CDH12: variants seen among roughly 807,000 people sequenced by gnomAD.
CDH12 encodes cadherin 12, also known as cadherin-12.
Under a neutral mutation model 74.1 loss-of-function variants are expected in CDH12, and 41 were observed. That is an observed-to-expected ratio of 0.55 (90% CI 0.43 to 0.72). The LOEUF is 0.72. CDH12 is among the 30% of genes least tolerant of loss of function. The pLI is 0.00. For missense variants in CDH12, 945 were observed against 977.2 expected (o/e 0.97, Z 0.44); for synonymous variants, 399 against 355.0 (o/e 1.12, Z -1.39).
intron 6 of CDH12, among the ~76,000 whole-genome samples, chr5:21,903,505 C>T (rs1467766840): frequency 2.0e-5 from 3 of 152,178 alleles, no homozygotes; most frequent in South Asian, 2.1e-4. Flanking sequence ...GCTAAGGGTT[C>T]GTTATCTTAA....
chr5:21,870,573 C>G (rs937159767), intron 6 of CDH12, among the ~76,000 whole-genome samples: 9 of 152,098 alleles, frequency 5.9e-5, no homozygotes, highest in Non-Finnish European at 1.0e-4. Flanking sequence ...TGATAAATTA[C>G]CCAGTCTTGG....
intron 2 of CDH12, among the ~76,000 whole-genome samples, chr5:22,504,073 T>C (rs970653512): frequency 3.3e-5 from 5 of 151,940 alleles, no homozygotes; most frequent in African/African-American, 1.2e-4. Context: ...TAAAATTTTC[T>C]ACAAAAAATG....
At chr5:22,349,256 C>T (rs995874513) in intron 3 of CDH12, among the ~76,000 whole-genome samples, 6 of 152,118 alleles carry the variant, frequency 3.9e-5, no homozygotes, top group African/African-American at 7.2e-5. Flanking sequence ...TATAGCTGCC[C>T]GAATAAACCT....
chr5:21,829,009 T>C (rs1350606527), intron 8 of CDH12, among the ~76,000 whole-genome samples: 3 of 151,146 alleles, frequency 2.0e-5, no homozygotes, highest in African/African-American at 7.3e-5. Context: ...AAAATCTCCC[T>C]ACCTCTCTGG....
At chr5:22,615,425 T>C (rs939643061) in intron 1 of CDH12, among the ~76,000 whole-genome samples, 1 of 152,248 alleles carries the variant, frequency 6.6e-6, no homozygotes, top group East Asian at 1.9e-4. Context: ...TAATAGAATA[T>C]AAAAAGTTAC....
intron 1 of CDH12, among the ~76,000 whole-genome samples, chr5:22,544,654 A>T (rs1738240073): frequency 6.6e-6 from 1 of 151,986 alleles, no homozygotes; most frequent in Non-Finnish European, 1.5e-5. Context: ...TGTCTCTACA[A>T]AAAAATACAA....
intron 2 of CDH12, among the ~76,000 whole-genome samples, chr5:22,410,682 C>T (rs1743135996): frequency 6.6e-6 from 1 of 152,024 alleles, no homozygotes; most frequent in Admixed American, 6.6e-5. Context: ...GTTGATTTTT[C>T]AGCAAACCTT....
chr5:21,996,720 G>C (rs1179455867), intron 5 of CDH12, among the ~76,000 whole-genome samples: 1 of 152,036 alleles, frequency 6.6e-6, no homozygotes, highest in East Asian at 1.9e-4. Flanking sequence ...AATAAAACAA[G>C]TTTTGTTTTC....
chr5:22,667,943 C>T (rs1226885122), intron 1 of CDH12, among the ~76,000 whole-genome samples: 1 of 150,498 alleles, frequency 6.6e-6, no homozygotes, highest in Non-Finnish European at 1.5e-5. Context: ...TGATTTCACT[C>T]TTTGTATTAT....
Position 22,304,325 on chromosome 5 carries a change from G to T in CDH12, c.-332-91682C>A, listed in dbSNP as rs562200935. Among the ~76,000 whole-genome samples the T allele has an allele frequency of 1.1e-4, 17 of 152,212 alleles. No homozygotes were observed. In the South Asian group the frequency reaches 3.5e-3, roughly 32 times the overall value. On this transcript the variant is annotated intron_variant, in intron 3 of 14. Transcript: ENST00000382254. The stretch of plus-strand genomic sequence containing the variant: ...TAGATATGAGACAACATAGAATTAA[G>T]CTCTTTCTATGAAAGAAAGGGGGTG...
At chr5:22,637,546 G>A (rs1388951135) in intron 1 of CDH12, among the ~76,000 whole-genome samples, 2 of 152,188 alleles carry the variant, frequency 1.3e-5, no homozygotes, top group African/African-American at 4.8e-5. Flanking sequence ...TCACAGGCAG[G>A]GAATAAAATA....
chr5:21,758,508 CTT>C (rs1744532512), intron 13 of CDH12, among the ~76,000 whole-genome samples: 1 of 152,072 alleles, frequency 6.6e-6, no homozygotes, highest in African/African-American at 2.4e-5. Flanking sequence ...AAAAATTTAT[CTT>C]TTTATTATCA....
At chr5:22,441,657 T>C (rs1008422021) in intron 2 of CDH12, among the ~76,000 whole-genome samples, 3 of 152,134 alleles carry the variant, frequency 2.0e-5, no homozygotes, top group Admixed American at 2.0e-4. Context: ...AGGATACACA[T>C]AATTGTTAGT....
intron 5 of CDH12, among the ~76,000 whole-genome samples, chr5:22,054,163 G>T (rs1177819172): frequency 6.6e-6 from 1 of 151,942 alleles, no homozygotes; most frequent in Non-Finnish European, 1.5e-5. Context: ...ATAATATAGA[G>T]CGTCTGCTAA....
intron 1 of CDH12, among the ~76,000 whole-genome samples, chr5:22,692,269 T>A (rs1742122849): frequency 6.6e-6 from 1 of 152,302 alleles, no homozygotes; most frequent in South Asian, 2.1e-4. Context: ...GGGCTTCTCA[T>A]ACAGGCTACA....
Position 22,532,361 on chromosome 5 carries a change from A to ATG in CDH12, c.-522-26998_-522-26997insCA. Among the ~76,000 whole-genome samples the ATG allele has an allele frequency of 2.9e-5, 2 of 68,102 alleles. 1 individual carries two copies. Among genetic ancestry groups the ATG allele is most frequent in the Middle Eastern group, 0.014 (2 of 144 alleles). The allele number at this position is 68,102 out of a possible 152,430, so 44.7% of individuals were successfully genotyped here. On this transcript the variant is annotated intron_variant, in intron 1 of 14. Transcript: ENST00000382254. ...AATTATATAAATAGGATATATATATATATATATATATATATATGTATGTAT... is the reference window on the plus strand; with the variant it reads ...AATTATATAAATAGGATATATATATATGTATATATATATATATATGTATGTAT...
intron 2 of CDH12, among the ~76,000 whole-genome samples, chr5:22,407,322 A>G (rs1173100340): frequency 6.6e-6 from 1 of 151,980 alleles, no homozygotes; most frequent in Non-Finnish European, 1.5e-5. Flanking sequence ...GCACCCTTTG[A>G]TTTCTTCTCC....
Position 22,255,789 on chromosome 5 carries a change from T to TA in CDH12, c.-332-43147dup, listed in dbSNP as rs199968721. Among the ~76,000 whole-genome samples, 1,107 of 151,852 alleles carry TA rather than the reference T, an allele frequency of 7.3e-3. 16 individuals are homozygous for TA. The highest frequency in any genetic ancestry group is 0.026 in the African/African-American group (1,063 of 41,488). ...AATAAAATACTAAAATTAAGTTTTT[T>TA]AAAAAAATGATATCTAGGAAGAAGC... is the stretch of plus-strand genomic sequence containing the variant. On this transcript the variant is annotated intron_variant, in intron 3 of 14. Coordinates refer to ENST00000382254, the MANE Select transcript of CDH12 (RefSeq NM_004061.5).
rs80250696 is a variant in CDH12, at chr5:22,494,448, G to C, written c.-428+10822C>G. The stretch of plus-strand genomic sequence containing the variant: ...CCACAACCCTGAACTGAAATGATTG[G>C]GTAAATAGTTACTTTATTTACATTT... On this transcript the variant is annotated intron_variant, in intron 2 of 14. Coordinates refer to ENST00000382254, the MANE Select transcript of CDH12 (RefSeq NM_004061.5). Among the ~76,000 whole-genome samples, 1,257 of 152,172 alleles carry C rather than the reference G, an allele frequency of 8.3e-3. 13 individuals carry two copies. The highest frequency in any genetic ancestry group is 0.029 in the African/African-American group (1,210 of 41,516).
Sources: gnomAD v4.1 joint callset for allele counts (sites outside exome capture counted in the v4.1 genomes callset) on GRCh38, gnomAD v4.1.1 for gene constraint, MANE v1.5 for transcripts, NCBI Gene and HGNC (gene_info 2026-07-23, HGNC 2026-07-21) for gene names.